Variants in TCF12 observed in about 807,000 individuals in gnomAD.
TCF12 encodes DNA-binding protein HTF4.
In TCF12, 45 loss-of-function variants were observed where a neutral mutation model predicts 86.0. The ratio of observed to expected loss-of-function variants is 0.52; its 90% CI spans 0.41 to 0.67. The LOEUF (loss-of-function observed/expected upper bound fraction) is 0.67, where lower values mean the gene tolerates loss of function less well. Among genes scored for constraint, TCF12 ranks in the 30% least tolerant of loss-of-function variants. The pLI, the probability that TCF12 is intolerant of heterozygous loss-of-function variation, is 0.00. For missense variants in TCF12, 881 were observed against 859.9 expected (o/e 1.02, Z -0.31); for synonymous variants, 330 against 299.6 (o/e 1.10, Z -1.05).
intron 5 of TCF12, among the ~76,000 whole-genome samples, chr15:57,141,641 G>T (rs1296309661): frequency 6.6e-6 from 1 of 152,146 alleles, no homozygotes; most frequent in African/African-American, 2.4e-5. Flanking sequence ...GAGCCACTGC[G>T]CCCAGACCAC....
At chr15:57,129,786 C>T (rs1470414551) in intron 5 of TCF12, 12 of 152,178 alleles carry the variant, frequency 7.9e-5, no homozygotes, top group African/African-American at 2.7e-4. Flanking sequence ...TCTCCAGTTT[C>T]ACAGATGAAG....
chr15:56,933,752 G>A (rs749568587), intron 3 of TCF12, among the ~76,000 whole-genome samples: 4 of 152,072 alleles, frequency 2.6e-5, no homozygotes, highest in Non-Finnish European at 5.9e-5. Context: ...GGGATTCCAA[G>A]CTTTTCATAT....
chr15:56,969,857 A>C (rs138983230), intron 3 of TCF12, among the ~76,000 whole-genome samples: 2 of 152,350 alleles, frequency 1.3e-5, no homozygotes, highest in African/African-American at 4.8e-5. Flanking sequence ...AGACGAGATC[A>C]GAAGACTGTG....
chr15:56,971,960 G>A (rs1472512830), intron 3 of TCF12, among the ~76,000 whole-genome samples: 1 of 152,088 alleles, frequency 6.6e-6, no homozygotes, highest in Non-Finnish European at 1.5e-5. Context: ...TGGAGGAAGG[G>A]GTAATGAAAA....
At chr15:56,953,165 T>G (rs570956445) in intron 3 of TCF12, among the ~76,000 whole-genome samples, 20 of 152,170 alleles carry the variant, frequency 1.3e-4, no homozygotes, top group African/African-American at 3.8e-4. Flanking sequence ...ACTTTTTGAT[T>G]GTTAAACTAA....
intron 8 of TCF12, among the ~76,000 whole-genome samples, chr15:57,226,316 T>A (rs1012825930): frequency 6.6e-6 from 1 of 151,974 alleles, no homozygotes; most frequent in East Asian, 1.9e-4. Flanking sequence ...TGGATGTTCC[T>A]GAATATAATA....
chr15:57,103,630 T>C (rs2049913740), intron 5 of TCF12, among the ~76,000 whole-genome samples: 1 of 152,188 alleles, frequency 6.6e-6, no homozygotes, highest in Admixed American at 6.5e-5. Flanking sequence ...AAAATACACG[T>C]AAAGATGTGT....
intron 3 of TCF12, among the ~76,000 whole-genome samples, chr15:56,994,139 G>C (rs1425331253): frequency 6.6e-6 from 1 of 151,930 alleles, no homozygotes; most frequent in Non-Finnish European, 1.5e-5. Flanking sequence ...TGTAATGGCA[G>C]GAAAAAAATC....
At chr15:56,924,406 A>G (rs2059916625) in intron 3 of TCF12, among the ~76,000 whole-genome samples, 1 of 152,224 alleles carries the variant, frequency 6.6e-6, no homozygotes, top group Non-Finnish European at 1.5e-5. Flanking sequence ...AAGCTTTTCA[A>G]ATTGCTGTAG....
chr15:57,222,770 T>A (rs1231497383), intron 8 of TCF12, among the ~76,000 whole-genome samples: 2 of 130,792 alleles, frequency 1.5e-5, no homozygotes, highest in Admixed American at 1.5e-4. Flanking sequence ...TTTTTTTTTT[T>A]TTTTTTTTTT....
intron 3 of TCF12, among the ~76,000 whole-genome samples, chr15:57,030,936 T>C (rs1239636643): frequency 6.6e-6 from 1 of 152,226 alleles, no homozygotes; most frequent in Non-Finnish European, 1.5e-5. Flanking sequence ...GCTTTATTTA[T>C]TCATCAAATC....
At chr15:57,204,189 A>T (rs1245098042) in intron 8 of TCF12, among the ~76,000 whole-genome samples, 7 of 152,120 alleles carry the variant, frequency 4.6e-5, no homozygotes, top group Non-Finnish European at 1.0e-4. Context: ...TAATCCCAGC[A>T]CTTTGGGAGG....
intron 3 of TCF12, among the ~76,000 whole-genome samples, chr15:56,928,703 T>TGTAC (rs2140244131): frequency 6.6e-6 from 1 of 152,352 alleles, no homozygotes; most frequent in South Asian, 2.1e-4. Flanking sequence ...GAAGAGAATG[T>TGTAC]GTACACCTTT....
intron 18 of TCF12, among the ~76,000 whole-genome samples, chr15:57,266,620 G>T (rs141278932): frequency 1.3e-5 from 2 of 152,142 alleles, no homozygotes; most frequent in African/African-American, 4.8e-5. Context: ...TGATGTTGTC[G>T]TGGAGTTTTC....
At chr15:57,147,075 G>T (rs1359778217) in intron 5 of TCF12, among the ~76,000 whole-genome samples, 5 of 152,130 alleles carry the variant, frequency 3.3e-5, no homozygotes, top group Non-Finnish European at 4.4e-5. Flanking sequence ...CTATTCATTT[G>T]GGAAAATAGC....
Position 57,232,410 on chromosome 15 carries a change from C to T in TCF12, c.805C>T (p.Leu269Phe), listed in dbSNP as rs1437924426. ...GTCTCAATCCAGTAGTTATGGCAAC[C>T]TTCATTCACATGACCGCTTGGTAGG... is the stretch of plus-strand genomic sequence containing the variant. ...HMSQSSSYGNLHSHDRLSYPP... is the reference protein window; with the variant it reads ...HMSQSSSYGNFHSHDRLSYPP... Residue 269 changes from leucine to phenylalanine, a missense_variant, in exon 10 of 21, where the codon CTT becomes TTT. This residue lies in a region of TCF12 where 766 missense variants were observed against 718.9 expected (regional missense o/e 1.07). Transcript: ENST00000333725. The T allele has an allele frequency of 1.2e-6, 2 of 1,609,006 alleles. No homozygotes were observed. The highest frequency in any genetic ancestry group is 1.7e-6 in the Non-Finnish European group (2 of 1,178,626).
At chr15:57,183,423 C>G (rs1442276065) in intron 6 of TCF12, among the ~76,000 whole-genome samples, 1 of 152,156 alleles carries the variant, frequency 6.6e-6, no homozygotes, top group African/African-American at 2.4e-5. Context: ...GTCACACCCT[C>G]TTTGGATTTA....
At chr15:57,055,355 C>T (rs1293207325) in intron 3 of TCF12, among the ~76,000 whole-genome samples, 8 of 152,114 alleles carry the variant, frequency 5.3e-5, no homozygotes, top group African/African-American at 1.4e-4. Flanking sequence ...GAGCTCAGAT[C>T]GCGCCACTGC....
chr15:57,148,818 G>C (rs1256950638), intron 5 of TCF12, among the ~76,000 whole-genome samples: 1 of 152,018 alleles, frequency 6.6e-6, no homozygotes, highest in Non-Finnish European at 1.5e-5. Context: ...AGAGGTTGCA[G>C]TGAGCCAGGA....
Sources: allele counts gnomAD v4.1 joint callset (sites outside exome capture counted in the v4.1 genomes callset), GRCh38; gene constraint gnomAD v4.1.1; regional missense constraint gnomAD v4.1.1; transcripts MANE v1.5; gene names NCBI Gene and HGNC (gene_info 2026-07-23, HGNC 2026-07-21).